Variants in PARD3B observed in about 807,000 individuals in gnomAD.
PARD3B encodes the protein par-3 family cell polarity regulator beta.
Under a neutral mutation model 130.2 loss-of-function variants are expected in PARD3B, and 103 were observed. The observed-to-expected ratio is 0.79, with a 90% CI of 0.67 to 0.93. The LOEUF is 0.93. PARD3B is among the 40% of genes least tolerant of loss of function. The pLI is 0.00. For missense variants in PARD3B, 1,609 were observed against 1,499.2 expected, an observed-to-expected ratio of 1.07 and a Z score of -1.21; for synonymous variants, 583 against 553.2, an observed-to-expected ratio of 1.05 and a Z score of -0.76.
intron 21 of PARD3B, among the ~76,000 whole-genome samples, chr2:205,514,973 G>T (rs1002523769): frequency 2.6e-5 from 4 of 151,298 alleles, no homozygotes; most frequent in African/African-American, 4.9e-5. Context: ...TACCTTTTCT[G>T]CTCCTCTCCC....
chr2:205,254,677 T>G (rs139019249), intron 16 of PARD3B, among the ~76,000 whole-genome samples: 2,898 of 151,626 alleles, frequency 0.019, 53 homozygotes, highest in Non-Finnish European at 0.029. Flanking sequence ...TTATTTTTTT[T>G]TTTTGAGATG....
chr2:205,495,366 T>C (rs974836951), intron 20 of PARD3B, among the ~76,000 whole-genome samples: 10 of 152,152 alleles, frequency 6.6e-5, no homozygotes, highest in African/African-American at 2.2e-4. Context: ...TGATCACCTA[T>C]ATAGGGATAC....
intron 21 of PARD3B, among the ~76,000 whole-genome samples, chr2:205,543,363 T>C (rs2052248102): frequency 6.6e-6 from 1 of 152,130 alleles, no homozygotes; most frequent in South Asian, 2.1e-4. Flanking sequence ...CTATAAGAAA[T>C]AAATATTACT....
intron 2 of PARD3B, among the ~76,000 whole-genome samples, chr2:204,839,274 G>A (rs2044175089): frequency 6.6e-6 from 1 of 152,118 alleles, no homozygotes; most frequent in African/African-American, 2.4e-5. Context: ...CTCTGGTCAA[G>A]GTCAGTTGTG....
intron 3 of PARD3B, among the ~76,000 whole-genome samples, chr2:205,009,270 A>G (rs1695516815): frequency 6.6e-6 from 1 of 152,202 alleles, no homozygotes; most frequent in Non-Finnish European, 1.5e-5. Context: ...ATTCCAAGAT[A>G]TTTTCTAGAA....
At chr2:205,319,707 G>A (rs565402701) in intron 18 of PARD3B, among the ~76,000 whole-genome samples, 1 of 152,146 alleles carries the variant, frequency 6.6e-6, no homozygotes, top group African/African-American at 2.4e-5. Context: ...CTTGCTCATA[G>A]TGTACATTCA....
chr2:205,317,104 C>G (rs2042588490), intron 18 of PARD3B, among the ~76,000 whole-genome samples: 2 of 152,030 alleles, frequency 1.3e-5, no homozygotes, highest in Admixed American at 1.3e-4. Flanking sequence ...TGACTAAACC[C>G]CTTTAGATAA....
intron 16 of PARD3B, among the ~76,000 whole-genome samples, chr2:205,275,474 A>T: frequency 6.6e-6 from 1 of 152,140 alleles, no homozygotes; most frequent in Non-Finnish European, 1.5e-5. Context: ...AGCATAAAAA[A>T]TCTGGGGTCT....
At chr2:204,615,433 C>T (rs56310794) in intron 1 of PARD3B, among the ~76,000 whole-genome samples, 7,816 of 152,230 alleles carry the variant, frequency 0.051, 540 homozygotes, top group African/African-American at 0.15. Flanking sequence ...GGTTGACTGA[C>T]TTATGCTAAT....
Position 205,125,356 on chromosome 2 carries a change from A to C in PARD3B, c.1306-253A>C, listed in dbSNP as rs1372920893. Among the ~76,000 whole-genome samples the C allele has an allele frequency of 1.3e-5, 2 of 152,184 alleles. No individual in the cohort carries two copies. The highest frequency in any genetic ancestry group is 3.9e-4 in the East Asian group (2 of 5,182). ...ATCATTTTCTGGTATCTGTCAGTCC[A>C]GTTTCCCCCACATAAGAATGTGATG... On this transcript the variant is annotated intron_variant, in intron 9 of 22. Transcript: ENST00000406610. This position sits in a 1 kb window ranked among gnomAD's most constrained non-coding sequence, Gnocchi z 4.0.
At chr2:204,878,850 T>C (rs971947239) in intron 2 of PARD3B, among the ~76,000 whole-genome samples, 3 of 152,204 alleles carry the variant, frequency 2.0e-5, no homozygotes, top group Admixed American at 2.0e-4. Flanking sequence ...TGATGTCTTT[T>C]TTTAGAAAAT....
Position 204,941,826 on chromosome 2 carries a change from C to T in PARD3B, c.223-23326C>T, listed in dbSNP as rs564210289. On this transcript the variant is annotated intron_variant, in intron 2 of 22. Coordinates refer to ENST00000406610, the MANE Select transcript of PARD3B (RefSeq NM_001302769.2). ...TTTTTTAGAGTTCTCATTATTGCAA[C>T]ATTCTGAGTGTGTGTGTATATATAT... is the stretch of plus-strand genomic sequence containing the variant. Among the ~76,000 whole-genome samples the T allele has an allele frequency of 2.0e-4, 28 of 138,398 alleles. 1 individual carries two copies. The South Asian group carries it at 8.2e-3, about 40-fold the overall frequency. The allele number at this position is 138,398 out of a possible 152,430, so 90.8% of individuals were successfully genotyped here. A position where few individuals can be genotyped will look rare whatever the true frequency, so the allele number is the denominator to read the frequency against.
At chr2:204,812,220 C>T (rs1378727106) in intron 2 of PARD3B, among the ~76,000 whole-genome samples, 1 of 152,072 alleles carries the variant, frequency 6.6e-6, no homozygotes, top group African/African-American at 2.4e-5. Context: ...TGTTTCTAAT[C>T]CATATTTATT....
intron 2 of PARD3B, among the ~76,000 whole-genome samples, chr2:204,828,115 T>C (rs1575082254): frequency 6.6e-6 from 1 of 152,302 alleles, no homozygotes; most frequent in East Asian, 1.9e-4. Flanking sequence ...CAGCACTCAT[T>C]TGTTGAATAG....
intron 3 of PARD3B, among the ~76,000 whole-genome samples, chr2:205,035,006 G>A (rs546085070): frequency 8.5e-5 from 13 of 152,104 alleles, no homozygotes; most frequent in Non-Finnish European, 1.5e-4. Context: ...ACAGGCATGC[G>A]TGCGCCACCA....
chr2:204,698,561 T>C (rs910225637), intron 2 of PARD3B, among the ~76,000 whole-genome samples: 17 of 151,958 alleles, frequency 1.1e-4, no homozygotes, highest in Admixed American at 5.9e-4. Flanking sequence ...TTTTTTTTTC[T>C]GGAAGAAATA....
intron 2 of PARD3B, among the ~76,000 whole-genome samples, chr2:204,786,540 C>T (rs952708878): frequency 4.4e-5 from 6 of 136,378 alleles, no homozygotes; most frequent in African/African-American, 2.1e-4. Flanking sequence ...TGGCAATAAG[C>T]TTAACAATCT....
intron 2 of PARD3B, among the ~76,000 whole-genome samples, chr2:204,924,627 A>G (rs538299573): frequency 6.6e-6 from 1 of 152,240 alleles, no homozygotes; most frequent in Non-Finnish European, 1.5e-5. Context: ...CAACAGTATC[A>G]GTCCCTACTG....
intron 19 of PARD3B, among the ~76,000 whole-genome samples, chr2:205,427,904 C>T (rs1367780917): frequency 1.3e-5 from 2 of 152,128 alleles, no homozygotes; most frequent in Non-Finnish European, 2.9e-5. Flanking sequence ...GCAATGAAGA[C>T]ATCTTAAACT....
Sources: allele counts gnomAD v4.1 joint callset (sites outside exome capture counted in the v4.1 genomes callset), GRCh38; gene constraint gnomAD v4.1.1; non-coding constraint Gnocchi (gnomAD v3.1); transcripts MANE v1.5; gene names NCBI Gene and HGNC (gene_info 2026-07-23, HGNC 2026-07-21).